CELF2: variants seen among roughly 807,000 people sequenced by gnomAD.
The protein encoded by CELF2 is CUGBP Elav-like family member 2, also known as CUG triplet repeat RNA-binding protein 2.
CELF2 carries 8 observed loss-of-function variants against 62.6 expected under a neutral mutation model. The ratio of observed to expected loss-of-function variants is 0.13; its 90% CI spans 0.07 to 0.23. CELF2 has a LOEUF of 0.23. Ranked by LOEUF, CELF2 falls within the 10% of genes least tolerant of loss-of-function variation. The probability of loss-of-function intolerance (pLI) is 1.00; values close to 1 mark genes in which losing one functional copy is unlikely to be tolerated. For missense variants in CELF2, 333 were observed against 671.0 expected, an observed-to-expected ratio of 0.50 and a Z score of 5.56; for synonymous variants, 258 against 250.0, an observed-to-expected ratio of 1.03 and a Z score of -0.30.
chr10:11,249,119 A>G (rs992591009), intron 3 of CELF2, 34 bp from the exon 4 acceptor site: 16 of 1,579,768 alleles, frequency 1.0e-5, no homozygotes, highest in African/African-American at 4.0e-5. Context: ...CAGTTGTTCA[A>G]TCTGCCTTTA....
At chr10:11,060,895 G>A (rs2066566622) in intron 1 of CELF2, among the ~76,000 whole-genome samples, 1 of 152,210 alleles carries the variant, frequency 6.6e-6, no homozygotes, top group Non-Finnish European at 1.5e-5. Context: ...CTTAATAAAA[G>A]TTGTGTGTGA....
At chr10:10,883,553 T>A (rs886621097) in intron 1 of CELF2, among the ~76,000 whole-genome samples, 1 of 152,102 alleles carries the variant, frequency 6.6e-6, no homozygotes, top group African/African-American at 2.4e-5. Context: ...CGGAATGGCA[T>A]TTTTAGGCTC....
chr10:11,121,020 C>T (rs1481612807), intron 1 of CELF2, among the ~76,000 whole-genome samples: 1 of 152,176 alleles, frequency 6.6e-6, no homozygotes, highest in Non-Finnish European at 1.5e-5. Context: ...TCAGTGTCTA[C>T]AGTTTCCATT....
chr10:10,731,357 A>T, the CELF2 span, among the ~76,000 whole-genome samples: 25 of 152,318 alleles, frequency 1.6e-4, no homozygotes, highest in African/African-American at 6.0e-4. Flanking sequence ...TACCATGGTC[A>T]TTCAGGTAGA....
chr10:11,136,978 G>T (rs2060533529), intron 1 of CELF2, among the ~76,000 whole-genome samples: 1 of 152,044 alleles, frequency 6.6e-6, no homozygotes, highest in Non-Finnish European at 1.5e-5. Context: ...AATATATTCA[G>T]TTAAAATAAG....
the CELF2 span, among the ~76,000 whole-genome samples, chr10:10,715,621 A>T: frequency 6.6e-6 from 1 of 152,214 alleles, no homozygotes; most frequent in East Asian, 1.9e-4. Flanking sequence ...ATGAAATAAA[A>T]CATTCCCAAG....
chr10:10,988,372 G>T (rs1027304219), intron 2 of CELF2, among the ~76,000 whole-genome samples: 10 of 152,032 alleles, frequency 6.6e-5, no homozygotes, highest in African/African-American at 2.4e-4. Flanking sequence ...CAGCAACTTG[G>T]TTGGAGCCAG....
Position 11,075,247 on chromosome 10 carries a change from A to G in CELF2, c.74+57084A>G, listed in dbSNP as rs2071489199. The G allele has an allele frequency of 6.6e-6, 1 of 152,230 alleles. No homozygotes were observed. 9.4% of individuals were successfully genotyped at this position (152,230 alleles called of 1,614,324 possible). Reference sequence around the variant, plus strand: ...CATTTGTAAGGGATGTTCAGGAGTCATCAGAAGGCATGTTGATACTTCTTT... The same window carrying G: ...CATTTGTAAGGGATGTTCAGGAGTCGTCAGAAGGCATGTTGATACTTCTTT... On this transcript the variant is annotated intron_variant, in intron 1 of 12. Transcript: ENST00000633077. The surrounding 1 kb of genome is among the most constrained non-coding windows in gnomAD (Gnocchi z 5.4).
intron 1 of CELF2, among the ~76,000 whole-genome samples, chr10:10,911,446 CTG>C (rs1222301138): frequency 6.6e-6 from 1 of 152,186 alleles, no homozygotes; most frequent in East Asian, 1.9e-4. Flanking sequence ...CAGGAAGAGG[CTG>C]TATGTGTCAG....
chr10:11,122,079 A>G (rs1473716539), intron 1 of CELF2, among the ~76,000 whole-genome samples: 1 of 152,200 alleles, frequency 6.6e-6, no homozygotes, highest in Non-Finnish European at 1.5e-5. Flanking sequence ...TCTCTGGCAA[A>G]TCTTGGTTTC....
chr10:11,129,352 G>C (rs902631148), intron 1 of CELF2, among the ~76,000 whole-genome samples: 2 of 152,054 alleles, frequency 1.3e-5, no homozygotes, highest in African/African-American at 4.8e-5. Flanking sequence ...TTTTTGTTGT[G>C]TCTCTGCCAG....
chr10:10,801,457 T>C (rs906708069), intron 1 of CELF2, among the ~76,000 whole-genome samples: 2 of 152,240 alleles, frequency 1.3e-5, no homozygotes, highest in Non-Finnish European at 2.9e-5. Context: ...GAAGCAAAGA[T>C]AAAACACAGC....
chr10:10,468,703 A>G, the CELF2 span, among the ~76,000 whole-genome samples: 6 of 151,964 alleles, frequency 3.9e-5, no homozygotes, highest in Admixed American at 3.9e-4. Context: ...TTTGATGTGG[A>G]CCATCTGCTG....
At chr10:10,871,089 G>A (rs2060716992) in intron 1 of CELF2, among the ~76,000 whole-genome samples, 1 of 152,144 alleles carries the variant, frequency 6.6e-6, no homozygotes, top group Non-Finnish European at 1.5e-5. Flanking sequence ...TTCCCTGGGA[G>A]GACTAAAGGT....
At chr10:11,080,620 T>G (rs2073746184) in intron 1 of CELF2, among the ~76,000 whole-genome samples, 1 of 152,252 alleles carries the variant, frequency 6.6e-6, no homozygotes, top group African/African-American at 2.4e-5. Flanking sequence ...TATCAGACAC[T>G]CATTCTGTGA....
Position 11,005,459 on chromosome 10 carries a change from T to C in CELF2, c.53+19T>C. On this transcript the variant is annotated intron_variant, in intron 1 of 12. Coordinates refer to the CELF2 transcript ENST00000416382. The surrounding 1 kb of genome is among the most constrained non-coding windows in gnomAD (Gnocchi z 4.3). ...TTTTAAGGTATGTTGTTGTGTCCTT[T>C]GTTTTTAATGCACGCTTTTCTAGTT... 1 of 1,613,938 alleles carries C rather than the reference T, an allele frequency of 6.2e-7. No individual in the cohort carries two copies. The highest frequency in any genetic ancestry group is 8.5e-7 in the Non-Finnish European group (1 of 1,179,814).
the CELF2 span, among the ~76,000 whole-genome samples, chr10:10,587,686 A>C: frequency 6.6e-6 from 1 of 152,188 alleles, no homozygotes; most frequent in Admixed American, 6.5e-5. Flanking sequence ...GGAGCAGGAA[A>C]TACCAAAACT....
chr10:10,914,182 T>G (rs914500426), intron 1 of CELF2, among the ~76,000 whole-genome samples: 1 of 152,116 alleles, frequency 6.6e-6, no homozygotes, highest in Non-Finnish European at 1.5e-5. Flanking sequence ...AAAGATACAG[T>G]TGGAGAAAAA....
At chr10:10,868,738 A>G (rs1292312972) in intron 1 of CELF2, among the ~76,000 whole-genome samples, 1 of 152,256 alleles carries the variant, frequency 6.6e-6, no homozygotes, top group Non-Finnish European at 1.5e-5. Flanking sequence ...CTATGTTGTT[A>G]AAAGAAAAAG....
Sources: gnomAD v4.1 joint callset for allele counts (sites outside exome capture counted in the v4.1 genomes callset) on GRCh38, gnomAD v4.1.1 for gene constraint, Gnocchi (gnomAD v3.1) non-coding constraint, MANE v1.5 for transcripts, NCBI Gene and HGNC (gene_info 2026-07-23, HGNC 2026-07-21) for gene names.